MSRA: variants seen among roughly 807,000 people sequenced by gnomAD.
The protein encoded by MSRA is mitochondrial peptide methionine sulfoxide reductase.
A neutral mutation model predicts 31.3 loss-of-function variants in MSRA; 54 were observed. The ratio of observed to expected loss-of-function variants is 1.73; its 90% CI spans 1.39 to 2.17. The LOEUF is 2.17. Ranked by LOEUF, MSRA falls within the 30% of genes most tolerant of loss-of-function variation. The pLI, the probability that MSRA is intolerant of heterozygous loss-of-function variation, is 0.00. For missense variants in MSRA, 507 were observed against 300.9 expected, an observed-to-expected ratio of 1.69 and a Z score of -5.07; for synonymous variants, 169 against 116.5, an observed-to-expected ratio of 1.45 and a Z score of -2.90.
At chr8:10,178,690 A>C (rs1314988684) in intron 1 of MSRA, among the ~76,000 whole-genome samples, 1 of 152,198 alleles carries the variant, frequency 6.6e-6, no homozygotes, top group African/African-American at 2.4e-5. Context: ...TTGTTTCTTC[A>C]GTTGAAATTC....
chr8:10,222,357 C>G (rs1810592540), intron 2 of MSRA, among the ~76,000 whole-genome samples: 1 of 152,028 alleles, frequency 6.6e-6, no homozygotes, highest in Admixed American at 6.6e-5. Flanking sequence ...TGGCTATTAT[C>G]AAAAATTCAA....
intron 1 of MSRA, among the ~76,000 whole-genome samples, chr8:10,139,158 G>GTTTCT (rs1432619110): frequency 6.6e-6 from 1 of 152,166 alleles, no homozygotes; most frequent in South Asian, 2.1e-4. Flanking sequence ...GATGTTTTGT[G>GTTTCT]AATTTTTCAC....
chr8:10,128,797 A>G (rs1004339377), intron 1 of MSRA, among the ~76,000 whole-genome samples: 3 of 152,208 alleles, frequency 2.0e-5, no homozygotes, highest in African/African-American at 4.8e-5. Flanking sequence ...GACCTCATCT[A>G]TTCATTCATG....
rs531842666 is a variant in MSRA at position 10,356,909 on chromosome 8, A to T, written c.543+36920A>T. On this transcript the variant is annotated intron_variant, in intron 5 of 5. Coordinates refer to ENST00000317173, the MANE Select transcript of MSRA (RefSeq NM_012331.5). ...CCCATTAAAAAAAAAAAAAAAAAAAAATATATGTGTCTTTGAAGTCTCCTT... is the reference window on the plus strand; with the variant it reads ...CCCATTAAAAAAAAAAAAAAAAAAATATATATGTGTCTTTGAAGTCTCCTT... Among the ~76,000 whole-genome samples the T allele has an allele frequency of 4.7e-3, 365 of 77,714 alleles. 2 individuals carry two copies. Among genetic ancestry groups the T allele is most frequent in the African/African-American group, 7.4e-3 (184 of 24,780 alleles). 51.0% of individuals were successfully genotyped at this position (77,714 alleles called of 152,430 possible). A position where few individuals can be genotyped will look rare whatever the true frequency, so the allele number is the denominator to read the frequency against.
intron 1 of MSRA, among the ~76,000 whole-genome samples, chr8:10,063,560 C>A (rs762680596): frequency 2.6e-5 from 4 of 152,164 alleles, no homozygotes; most frequent in South Asian, 2.1e-4. Context: ...TCCTCACCCC[C>A]CCAGGTGATG....
intron 5 of MSRA, among the ~76,000 whole-genome samples, chr8:10,346,276 A>C (rs1001187446): frequency 2.6e-5 from 4 of 152,290 alleles, no homozygotes; most frequent in African/African-American, 9.6e-5. Context: ...ATAGATTCAG[A>C]ATCAGCTCTC....
intron 5 of MSRA, among the ~76,000 whole-genome samples, chr8:10,369,853 C>A (rs1420511212): frequency 6.6e-6 from 1 of 152,142 alleles, no homozygotes; most frequent in Non-Finnish European, 1.5e-5. Context: ...AGTTTCAAAG[C>A]ACTATTATAT....
intron 2 of MSRA, among the ~76,000 whole-genome samples, chr8:10,236,214 C>T (rs555048685): frequency 6.6e-6 from 1 of 152,218 alleles, no homozygotes; most frequent in South Asian, 2.1e-4. Context: ...GACAAGGATT[C>T]CTAGCATTGT....
At chr8:10,269,003 C>T (rs1798888464) in intron 3 of MSRA, among the ~76,000 whole-genome samples, 1 of 152,206 alleles carries the variant, frequency 6.6e-6, no homozygotes, top group Non-Finnish European at 1.5e-5. Context: ...GCATAGCCCG[C>T]AAACCCATTT....
intron 1 of MSRA, among the ~76,000 whole-genome samples, chr8:10,161,664 TG>T (rs1257604505): frequency 2.0e-5 from 3 of 151,978 alleles, no homozygotes; most frequent in Non-Finnish European, 4.4e-5. Flanking sequence ...CGTGGTGAGC[TG>T]GAGAGAATGC....
rs577571876 is a variant in MSRA, at chr8:10,295,450, A to G, written c.332-6084A>G. 2.6e-4 allele frequency among the ~76,000 whole-genome samples: 40 copies of G among 152,228 alleles called. No homozygotes were observed. In the South Asian group the frequency reaches 6.4e-3, roughly 24 times the overall value. On this transcript the variant is annotated intron_variant, in intron 3 of 5. Coordinates refer to ENST00000317173, the MANE Select transcript of MSRA (RefSeq NM_012331.5). ...ATCTACACAGACCACGTGGGCCTAG[A>G]CTGCTGGCCCAGTGACCCTTGGAGG...
At position 10,112,003 on chromosome 8, in the gene MSRA, G is replaced by A. The variant is rs553240071; in HGVS notation, c.142+57345G>A. On this transcript the variant is annotated intron_variant, in intron 1 of 5. Transcript: ENST00000317173. ...GGTGAGATTTATTTACCAGAAGTTTGTCTTCTTTATTTTTCTTTTTAAGAC... is the reference window on the plus strand; with the variant it reads ...GGTGAGATTTATTTACCAGAAGTTTATCTTCTTTATTTTTCTTTTTAAGAC... Among the ~76,000 whole-genome samples, 11 of 151,496 alleles carry A rather than the reference G, an allele frequency of 7.3e-5. No homozygotes were observed. The South Asian group carries it at 2.3e-3, about 32-fold the overall frequency.
intron 5 of MSRA, among the ~76,000 whole-genome samples, chr8:10,325,953 A>G (rs1416895160): frequency 1.3e-5 from 2 of 152,220 alleles, no homozygotes; most frequent in Non-Finnish European, 2.9e-5. Context: ...TCTGTACTGT[A>G]GTCAGAAACA....
intron 1 of MSRA, among the ~76,000 whole-genome samples, chr8:10,059,884 A>T (rs991572750): frequency 1.3e-5 from 2 of 152,242 alleles, no homozygotes; most frequent in African/African-American, 2.4e-5. Flanking sequence ...AAAGATGCTC[A>T]ACTTCACTTA....
intron 3 of MSRA, among the ~76,000 whole-genome samples, chr8:10,287,148 A>G (rs1368776843): frequency 1.3e-5 from 2 of 152,186 alleles, no homozygotes; most frequent in African/African-American, 2.4e-5. Context: ...AAGATTCCCA[A>G]TATCAATCAA....
At chr8:10,085,602 A>G (rs1798519541) in intron 1 of MSRA, among the ~76,000 whole-genome samples, 2 of 152,214 alleles carry the variant, frequency 1.3e-5, no homozygotes, top group African/African-American at 2.4e-5. Flanking sequence ...ATATTGAGGT[A>G]TCATTTATGT....
chr8:10,407,099 A>G (rs1308324435), intron 5 of MSRA, among the ~76,000 whole-genome samples: 3 of 151,436 alleles, frequency 2.0e-5, no homozygotes, highest in Non-Finnish European at 2.9e-5. Context: ...CTGATCTTGA[A>G]CTCCGGGACT....
At chr8:10,383,734 G>A (rs1297460142) in intron 5 of MSRA, among the ~76,000 whole-genome samples, 1 of 152,186 alleles carries the variant, frequency 6.6e-6, no homozygotes, top group South Asian at 2.1e-4. Flanking sequence ...CATGGACAAA[G>A]CCCAGTGCTG....
intron 3 of MSRA, among the ~76,000 whole-genome samples, chr8:10,253,410 G>C (rs569685781): frequency 6.6e-6 from 1 of 152,068 alleles, no homozygotes; most frequent in African/African-American, 2.4e-5. Context: ...CAGGTGCAGC[G>C]GTCAAAGGTC....
Sources: allele counts gnomAD v4.1 joint callset (sites outside exome capture counted in the v4.1 genomes callset), GRCh38; gene constraint gnomAD v4.1.1; transcripts MANE v1.5; gene names NCBI Gene and HGNC (gene_info 2026-07-23, HGNC 2026-07-21).